The following CCSER1 variants were observed in gnomAD, a reference collection of about 807,000 sequenced individuals.
CCSER1 encodes serine-rich coiled-coil domain-containing protein 1.
In CCSER1, 41 loss-of-function variants were observed where a neutral mutation model predicts 82.0. The observed-to-expected ratio is 0.50, with a 90% CI of 0.39 to 0.65. The LOEUF is 0.65. Among genes scored for constraint, CCSER1 ranks in the 30% least tolerant of loss-of-function variants. The pLI, the probability that CCSER1 is intolerant of heterozygous loss-of-function variation, is 0.00. For missense variants in CCSER1, 1,119 were observed against 1,064.2 expected, an observed-to-expected ratio of 1.05 and a Z score of -0.72; for synonymous variants, 414 against 383.9, an observed-to-expected ratio of 1.08 and a Z score of -0.92.
At chr4:90,466,909 AT>A (rs1763719849) in intron 4 of CCSER1, among the ~76,000 whole-genome samples, 1 of 152,182 alleles carries the variant, frequency 6.6e-6, no homozygotes, top group Non-Finnish European at 1.5e-5. Context: ...AAGTACAAGA[AT>A]GTTCATAGAC....
intron 10 of CCSER1, among the ~76,000 whole-genome samples, chr4:91,129,128 T>C (rs1727774584): frequency 6.6e-6 from 1 of 152,116 alleles, no homozygotes. Context: ...AAAGGAAGGA[T>C]CAAAGCTTTT....
chr4:90,670,316 C>T (rs1567929), intron 6 of CCSER1, among the ~76,000 whole-genome samples: 69,853 of 151,814 alleles, frequency 0.46, 16,467 homozygotes, highest in Middle Eastern at 0.59. Context: ...TATTTATTGA[C>T]GGTATTTTCT....
At chr4:91,155,267 T>A (rs756085093) in intron 10 of CCSER1, among the ~76,000 whole-genome samples, 1 of 151,940 alleles carries the variant, frequency 6.6e-6, no homozygotes, top group African/African-American at 2.4e-5. Context: ...GCTGTTCTTG[T>A]GATACTGAAT....
rs372796263 is a variant in CCSER1, at chr4:90,176,428, GT to G, written c.-42+48601del. On this transcript the variant is annotated intron_variant, in intron 1 of 10. Coordinates refer to ENST00000509176, the MANE Select transcript of CCSER1 (RefSeq NM_001145065.2). Reference sequence around the variant, plus strand: ...GACCATGGCTTGTCAATGAGATGTTGTTTTCTGAAATAAACATAGTGAATAG... The same window carrying G: ...GACCATGGCTTGTCAATGAGATGTTGTTTCTGAAATAAACATAGTGAATAG... Among the ~76,000 whole-genome samples the G allele has an allele frequency of 2.4e-4, 37 of 152,076 alleles. 1 individual carries two copies. Among genetic ancestry groups the G allele is most frequent in the African/African-American group, 8.4e-4 (35 of 41,518 alleles).
At chr4:90,824,213 A>G (rs145873770) in intron 8 of CCSER1, among the ~76,000 whole-genome samples, 282 of 152,204 alleles carry the variant, frequency 1.9e-3, no homozygotes, top group South Asian at 9.7e-3. Context: ...ATTGAAAATT[A>G]TATTCTTACT....
chr4:90,321,435 G>A (rs1245440844), intron 3 of CCSER1, among the ~76,000 whole-genome samples: 1 of 152,142 alleles, frequency 6.6e-6, no homozygotes, highest in African/African-American at 2.4e-5. Context: ...TTGTGTGTAT[G>A]TACCACATTT....
chr4:90,332,287 A>T lies in CCSER1; in HGVS notation c.1509+19240A>T, dbSNP rs149385615. ...TTTTTGCTCTTATTGCCCAGGCTGG[A>T]GTGCAGTGGCTTGATTTTGGCTCAC... On this transcript the variant is annotated intron_variant, in intron 3 of 10. Coordinates refer to ENST00000509176, the MANE Select transcript of CCSER1 (RefSeq NM_001145065.2). Among the ~76,000 whole-genome samples, 991 of 150,696 alleles carry T rather than the reference A, an allele frequency of 6.6e-3. 9 individuals carry two copies. The highest frequency in any genetic ancestry group is 0.023 in the African/African-American group (949 of 40,972).
At chr4:91,039,804 G>A (rs58154664) in intron 9 of CCSER1, among the ~76,000 whole-genome samples, 41,486 of 151,592 alleles carry the variant, frequency 0.27, 7,089 homozygotes, top group East Asian at 0.46. Flanking sequence ...ACACATACAC[G>A]TAACATATTT....
intron 7 of CCSER1, among the ~76,000 whole-genome samples, chr4:90,738,406 C>A (rs1202882537): frequency 6.6e-6 from 1 of 151,998 alleles, no homozygotes; most frequent in Non-Finnish European, 1.5e-5. Context: ...TAGGGTCAGG[C>A]GAATTTTTTT....
chr4:90,923,547 C>T (rs1355643558), intron 9 of CCSER1, 100 bp downstream of exon 9: 20 of 780,638 alleles, frequency 2.6e-5, no homozygotes, highest in Middle Eastern at 2.3e-4. Context: ...ATTGATTTAA[C>T]AGGATTTAGC....
At chr4:91,406,898 C>A (rs527911977) in intron 10 of CCSER1, among the ~76,000 whole-genome samples, 1 of 152,022 alleles carries the variant, frequency 6.6e-6, no homozygotes, top group Non-Finnish European at 1.5e-5. Flanking sequence ...AAAAAAACAA[C>A]CTTTGTTTAT....
At chr4:90,432,738 T>G (rs778404864) in intron 4 of CCSER1, among the ~76,000 whole-genome samples, 1 of 152,148 alleles carries the variant, frequency 6.6e-6, no homozygotes, top group Non-Finnish European at 1.5e-5. Flanking sequence ...TATGGGTATG[T>G]GTCACCCTGC....
intron 1 of CCSER1, among the ~76,000 whole-genome samples, chr4:90,303,845 A>G (rs1365317994): frequency 1.3e-5 from 2 of 150,764 alleles, no homozygotes; most frequent in Admixed American, 6.6e-5. Flanking sequence ...AAAAGAAACT[A>G]CCATCAGAGT....
At chr4:90,386,665 G>A (rs571166252) in intron 3 of CCSER1, among the ~76,000 whole-genome samples, 175 of 152,224 alleles carry the variant, frequency 1.1e-3, no homozygotes, top group South Asian at 2.1e-3. Context: ...AATCTAAAAA[G>A]CTTCTGCATA....
intron 10 of CCSER1, among the ~76,000 whole-genome samples, chr4:91,391,904 G>A (rs1196721466): frequency 6.6e-6 from 1 of 151,952 alleles, no homozygotes; most frequent in Non-Finnish European, 1.5e-5. Flanking sequence ...AACTTGAAAA[G>A]TTGAAAAATT....
intron 8 of CCSER1, among the ~76,000 whole-genome samples, chr4:90,829,899 A>T (rs562190054): frequency 5.3e-5 from 8 of 152,256 alleles, no homozygotes; most frequent in African/African-American, 1.9e-4. Context: ...ATGCATGCCT[A>T]TCTGAGGCTT....
chr4:90,646,389 T>C (rs551846664), intron 6 of CCSER1, among the ~76,000 whole-genome samples: 1 of 152,264 alleles, frequency 6.6e-6, no homozygotes, highest in East Asian at 1.9e-4. Context: ...TTTGAGTGTG[T>C]GTATTTGTAT....
At chr4:91,052,417 T>A (rs1381295) in intron 9 of CCSER1, among the ~76,000 whole-genome samples, 3 of 151,940 alleles carry the variant, frequency 2.0e-5, no homozygotes, top group African/African-American at 7.2e-5. Context: ...TACATAAAGC[T>A]TTTTAAAAAT....
At chr4:91,253,586 G>A (rs1740434328) in intron 10 of CCSER1, among the ~76,000 whole-genome samples, 2 of 151,920 alleles carry the variant, frequency 1.3e-5, no homozygotes, top group South Asian at 4.1e-4. Flanking sequence ...AAGGGAGCAG[G>A]GGTGGCTGCT....
Sources: gnomAD v4.1 joint callset for allele counts (sites outside exome capture counted in the v4.1 genomes callset) on GRCh38, gnomAD v4.1.1 for gene constraint, MANE v1.5 for transcripts, NCBI Gene and HGNC (gene_info 2026-07-23, HGNC 2026-07-21) for gene names.